FHIT: variants seen among roughly 807,000 people sequenced by gnomAD.
FHIT encodes the protein fragile histidine triad diadenosine triphosphatase.
In FHIT, 19 loss-of-function variants were observed where a neutral mutation model predicts 17.9. The ratio of observed to expected loss-of-function variants is 1.06; its 90% CI spans 0.74 to 1.56. FHIT has a LOEUF of 1.56. Ranked by LOEUF, FHIT falls within the 40% of genes most tolerant of loss-of-function variation. FHIT has a pLI of 0.00. For missense variants in FHIT, 248 were observed against 189.2 expected (o/e 1.31, Z -1.82); for synonymous variants, 81 against 69.7 (o/e 1.16, Z -0.81).
At chr3:60,163,568 C>A (rs1701031609) in intron 5 of FHIT, among the ~76,000 whole-genome samples, 1 of 152,176 alleles carries the variant, frequency 6.6e-6, no homozygotes, top group Non-Finnish European at 1.5e-5. Context: ...CCATCTCTGC[C>A]ACCTTGCTGA....
intron 4 of FHIT, among the ~76,000 whole-genome samples, chr3:60,561,993 A>C (rs1382456478): frequency 6.6e-6 from 1 of 152,118 alleles, no homozygotes; most frequent in Non-Finnish European, 1.5e-5. Flanking sequence ...TCCTAGGTAA[A>C]GTTATGCTTT....
At chr3:60,493,686 C>G in intron 5 of FHIT, among the ~76,000 whole-genome samples, 1 of 152,010 alleles carries the variant, frequency 6.6e-6, no homozygotes. Flanking sequence ...GTTTTGACAA[C>G]CCATAAATAT....
At chr3:60,216,982 G>A (rs1703725892) in intron 5 of FHIT, among the ~76,000 whole-genome samples, 1 of 152,090 alleles carries the variant, frequency 6.6e-6, no homozygotes, top group African/African-American at 2.4e-5. Context: ...ACCCAGCTCC[G>A]AGAATATAAA....
intron 5 of FHIT, among the ~76,000 whole-genome samples, chr3:60,493,161 G>A (rs573392284): frequency 1.3e-5 from 2 of 152,238 alleles, no homozygotes; most frequent in African/African-American, 4.8e-5. Flanking sequence ...AAAGAAATAA[G>A]GGTATTTTTG....
chr3:60,650,941 GT>G (rs1416602366), intron 4 of FHIT, among the ~76,000 whole-genome samples: 2 of 151,992 alleles, frequency 1.3e-5, no homozygotes, highest in Non-Finnish European at 2.9e-5. Flanking sequence ...TTCCTTCTAG[GT>G]TTTTTTCCTT....
chr3:61,209,091 G>C (rs1342910845), intron 1 of FHIT, among the ~76,000 whole-genome samples: 3 of 152,010 alleles, frequency 2.0e-5, no homozygotes, highest in African/African-American at 7.2e-5. Context: ...AGTTTGGCTG[G>C]ATATGAAATG....
chr3:60,747,305 C>G (rs2042378893), intron 4 of FHIT, among the ~76,000 whole-genome samples: 1 of 152,100 alleles, frequency 6.6e-6, no homozygotes. Flanking sequence ...GAATTCTGAG[C>G]TGAGTCAGGT....
At chr3:60,308,983 A>G (rs1708813760) in intron 5 of FHIT, among the ~76,000 whole-genome samples, 2 of 152,300 alleles carry the variant, frequency 1.3e-5, no homozygotes, top group South Asian at 4.1e-4. Context: ...CACACCCAGT[A>G]CGAAAATGGA....
chr3:60,361,945 C>A (rs539286418), intron 5 of FHIT, among the ~76,000 whole-genome samples: 2 of 152,118 alleles, frequency 1.3e-5, no homozygotes, highest in African/African-American at 4.8e-5. Flanking sequence ...TTTCTCCTTC[C>A]TTTCTTAAAT....
intron 4 of FHIT, among the ~76,000 whole-genome samples, chr3:60,738,179 G>C (rs782316366): frequency 3.3e-5 from 5 of 152,204 alleles, no homozygotes; most frequent in Non-Finnish European, 5.9e-5. Context: ...AAGACCGCCA[G>C]TGCTCAAATC....
chr3:59,969,084 A>G (rs1164039458), intron 7 of FHIT, among the ~76,000 whole-genome samples: 1 of 152,182 alleles, frequency 6.6e-6, no homozygotes, highest in Non-Finnish European at 1.5e-5. Flanking sequence ...TTGCTCACAC[A>G]TTAAATTTTC....
At chr3:60,351,657 G>A (rs1699400763) in intron 5 of FHIT, among the ~76,000 whole-genome samples, 1 of 152,178 alleles carries the variant, frequency 6.6e-6, no homozygotes, top group South Asian at 2.1e-4. Context: ...GATGTGGTGA[G>A]GAAAGCAAGA....
intron 5 of FHIT, among the ~76,000 whole-genome samples, chr3:60,355,175 T>G (rs77568364): frequency 6.6e-6 from 1 of 152,142 alleles, no homozygotes; most frequent in Non-Finnish European, 1.5e-5. Context: ...TGTTGTAACC[T>G]CCACTCGTCA....
At chr3:61,007,036 T>C (rs1038747693) in intron 3 of FHIT, among the ~76,000 whole-genome samples, 19 of 152,336 alleles carry the variant, frequency 1.2e-4, no homozygotes, top group African/African-American at 4.3e-4. Context: ...TTCATCTTGC[T>C]GTCTTATTTT....
At chr3:60,261,115 T>C (rs922733675) in intron 5 of FHIT, among the ~76,000 whole-genome samples, 1 of 152,078 alleles carries the variant, frequency 6.6e-6, no homozygotes, top group Non-Finnish European at 1.5e-5. Flanking sequence ...CAAATAAACT[T>C]GCTTTCACTT....
chr3:60,966,481 T>C (rs1709752360), intron 3 of FHIT, among the ~76,000 whole-genome samples: 1 of 152,292 alleles, frequency 6.6e-6, no homozygotes, highest in Non-Finnish European at 1.5e-5. Context: ...GGTACCTCAA[T>C]TGGAAATGCA....
At chr3:60,823,685 A>G (rs1024851692) in intron 3 of FHIT, among the ~76,000 whole-genome samples, 10 of 152,202 alleles carry the variant, frequency 6.6e-5, no homozygotes, top group Admixed American at 6.5e-4. Context: ...CTATGAGACA[A>G]TAAATTTCGG....
At chr3:60,390,650 G>A (rs558114281) in intron 5 of FHIT, among the ~76,000 whole-genome samples, 7 of 152,066 alleles carry the variant, frequency 4.6e-5, no homozygotes, top group Non-Finnish European at 7.4e-5. Flanking sequence ...GGAAGACAGT[G>A]ATATTGATGA....
At chr3:61,047,700 C>T (rs2033858409) in intron 2 of FHIT, among the ~76,000 whole-genome samples, 1 of 152,160 alleles carries the variant, frequency 6.6e-6, no homozygotes, top group African/African-American at 2.4e-5. Flanking sequence ...AAGAACAAAG[C>T]TGGAGCCATC....
Sources: allele counts gnomAD v4.1 joint callset (sites outside exome capture counted in the v4.1 genomes callset), GRCh38; gene constraint gnomAD v4.1.1; transcripts MANE v1.5; gene names NCBI Gene and HGNC (gene_info 2026-07-23, HGNC 2026-07-21).